GRM3: variants seen among roughly 807,000 people sequenced by gnomAD.
GRM3 encodes glutamate metabotropic receptor 3, also known as metabotropic glutamate receptor 3.
In GRM3, 26 loss-of-function variants were observed where a neutral mutation model predicts 70.5. The observed-to-expected ratio is 0.37, with a 90% CI of 0.27 to 0.51. The LOEUF is 0.51. Ranked by LOEUF, GRM3 falls within the 20% of genes least tolerant of loss-of-function variation. The pLI is 0.93. For synonymous variants in GRM3, 443 were observed against 434.9 expected (o/e 1.02, Z -0.23); for missense variants, 859 against 1,123.8 (o/e 0.76, Z 3.37).
intron 3 of GRM3, among the ~76,000 whole-genome samples, chr7:86,796,676 T>C (rs1797557974): frequency 6.6e-6 from 1 of 152,198 alleles, no homozygotes; most frequent in South Asian, 2.1e-4. Flanking sequence ...ACGATACTGA[T>C]TCTTCCTATC....
chr7:86,815,299 A>T (rs900213663), intron 3 of GRM3, among the ~76,000 whole-genome samples: 1 of 151,870 alleles, frequency 6.6e-6, no homozygotes, highest in Non-Finnish European at 1.5e-5. Flanking sequence ...GGGCTGAGAT[A>T]CACATATGGA....
intron 1 of GRM3, among the ~76,000 whole-genome samples, chr7:86,707,123 A>T (rs1167520968): frequency 6.6e-6 from 1 of 152,106 alleles, no homozygotes; most frequent in African/African-American, 2.4e-5. Context: ...GTCCTTGAGC[A>T]TATCTACACT....
chr7:86,769,672 G>T (rs1270700001), intron 2 of GRM3, among the ~76,000 whole-genome samples: 1 of 152,136 alleles, frequency 6.6e-6, no homozygotes, highest in African/African-American at 2.4e-5. Context: ...CTGCATGGAG[G>T]GGAATTCTTA....
chr7:86,654,778 A>G (rs1485040388), intron 1 of GRM3, among the ~76,000 whole-genome samples: 1 of 152,168 alleles, frequency 6.6e-6, no homozygotes, highest in Non-Finnish European at 1.5e-5. Flanking sequence ...CTCTCCTTAT[A>G]CAATTACTTA....
At position 86,838,824 on chromosome 7, in the gene GRM3, C is replaced by A; in HGVS notation, c.1325-15C>A. 1.3e-6 allele frequency: 2 copies of A among 1,486,888 alleles called. No individual in the cohort carries two copies. The highest frequency in any genetic ancestry group is 1.8e-6 in the Non-Finnish European group (2 of 1,084,890). 92.1% of individuals were successfully genotyped at this position (1,486,888 alleles called of 1,614,324 possible). ...AACAAGTGTTCTTTTTTTTCTTTCA[C>A]TTTACATATCACAGCTCCATTCAAC... On this transcript the variant is annotated splice_polypyrimidine_tract_variant and intron_variant, in intron 3 of 5. Transcript: ENST00000361669.
At chr7:86,823,219 A>G (rs548909137) in intron 3 of GRM3, among the ~76,000 whole-genome samples, 1 of 152,288 alleles carries the variant, frequency 6.6e-6, no homozygotes, top group Non-Finnish European at 1.5e-5. Context: ...CATGTTGTAT[A>G]TGTTTTGTAA....
intron 1 of GRM3, among the ~76,000 whole-genome samples, chr7:86,754,922 C>T (rs2282964): frequency 0.35 from 53,220 of 151,910 alleles, 10,463 homozygotes; most frequent in African/African-American, 0.54. Flanking sequence ...CCACCAGCAG[C>T]TCCCATACTT....
chr7:86,828,583 A>G (rs1452571471), intron 3 of GRM3, among the ~76,000 whole-genome samples: 1 of 152,242 alleles, frequency 6.6e-6, no homozygotes, highest in African/African-American at 2.4e-5. Context: ...AACAATGTAT[A>G]TACCTTAATT....
intron 1 of GRM3, among the ~76,000 whole-genome samples, chr7:86,763,482 C>T (rs1796529498): frequency 6.6e-6 from 1 of 152,126 alleles, no homozygotes; most frequent in Non-Finnish European, 1.5e-5. Flanking sequence ...TACATAGGTT[C>T]ATGTGTGCAT....
intron 1 of GRM3, among the ~76,000 whole-genome samples, chr7:86,740,463 A>C (rs1043309917): frequency 1.3e-5 from 2 of 152,184 alleles, no homozygotes; most frequent in Non-Finnish European, 2.9e-5. Flanking sequence ...TGTTTGACAA[A>C]AGAAACATTT....
chr7:86,837,445 C>T (rs968855880), intron 3 of GRM3, among the ~76,000 whole-genome samples: 1 of 152,216 alleles, frequency 6.6e-6, no homozygotes, highest in African/African-American at 2.4e-5. Flanking sequence ...CAGGGTCAGA[C>T]ACTGCAGCGT....
intron 3 of GRM3, among the ~76,000 whole-genome samples, chr7:86,814,098 A>G (rs1797967235): frequency 6.6e-6 from 1 of 151,800 alleles, no homozygotes; most frequent in African/African-American, 2.4e-5. Context: ...GAAGACACCG[A>G]TTCTTCATAA....
intron 4 of GRM3, among the ~76,000 whole-genome samples, chr7:86,846,667 C>T (rs6947236): frequency 6.6e-6 from 1 of 152,178 alleles, no homozygotes; most frequent in South Asian, 2.1e-4. Flanking sequence ...CCTCAAACTT[C>T]GACCACATCT....
In GRM3 at chr7:86,741,097, A is replaced by G. The variant is rs183227299; in HGVS notation, c.-140-23909A>G. On this transcript the variant is annotated intron_variant, in intron 1 of 5. Coordinates refer to ENST00000361669, the MANE Select transcript of GRM3 (RefSeq NM_000840.3). ...CCTGGACCATCTCCACCCAGACCTT[A>G]TGAAAGCATGGAGACATTTTATTAA... 1.4e-3 allele frequency among the ~76,000 whole-genome samples: 220 copies of G among 152,250 alleles called. 1 individual carries two copies. The highest frequency in any genetic ancestry group is 5.2e-3 in the African/African-American group (214 of 41,532).
chr7:86,651,844 AC>A (rs1016947682), intron 1 of GRM3, among the ~76,000 whole-genome samples: 1 of 152,222 alleles, frequency 6.6e-6, no homozygotes, highest in Non-Finnish European at 1.5e-5. Context: ...TTCCCCCAAC[AC>A]CCAAAATATA....
intron 3 of GRM3, among the ~76,000 whole-genome samples, chr7:86,811,237 T>C (rs542403370): frequency 8.6e-5 from 13 of 151,890 alleles, no homozygotes; most frequent in Non-Finnish European, 8.8e-5. Context: ...GGAACAACAA[T>C]AAAGTTTTGC....
At chr7:86,853,825 G>A (rs1798797980) in intron 5 of GRM3, among the ~76,000 whole-genome samples, 1 of 152,142 alleles carries the variant, frequency 6.6e-6, no homozygotes, top group African/African-American at 2.4e-5. Context: ...AATTCAGACA[G>A]GGCTTGGTTC....
intron 1 of GRM3, among the ~76,000 whole-genome samples, chr7:86,678,475 G>A (rs904581902): frequency 2.5e-4 from 38 of 152,032 alleles, no homozygotes; most frequent in African/African-American, 9.2e-4. Context: ...CACATTGGAA[G>A]TAGAACACAT....
In GRM3 at chr7:86,864,608, A is replaced by C. The variant is rs983307163; in HGVS notation, c.*253A>C. ...GTTTACAGAGCTGAGCATTGGTGAC[A>C]GGGTCTGACATGGTCAGTCTACTAA... On this transcript the variant is annotated 3_prime_UTR_variant, in exon 6 of 6. Transcript: ENST00000361669. The C allele has an allele frequency of 3.5e-6, 1 of 282,640 alleles. No homozygotes were observed. Among genetic ancestry groups the C allele is most frequent in the African/African-American group, 2.3e-5 (1 of 44,270 alleles). The allele number at this position is 282,640 out of a possible 1,614,324, so 17.5% of individuals were successfully genotyped here.
Sources: gnomAD v4.1 joint callset for allele counts (sites outside exome capture counted in the v4.1 genomes callset) on GRCh38, gnomAD v4.1.1 for gene constraint, MANE v1.5 for transcripts, NCBI Gene and HGNC (gene_info 2026-07-23, HGNC 2026-07-21) for gene names.